The following ADAMTS2 variants were observed in gnomAD, a reference collection of about 807,000 sequenced individuals.
ADAMTS2 encodes the protein ADAM metallopeptidase with thrombospondin type 1 motif 2.
Under a neutral mutation model 123.0 loss-of-function variants are expected in ADAMTS2, and 50 were observed. The observed-to-expected ratio is 0.41, with a 90% CI of 0.32 to 0.51. The LOEUF (loss-of-function observed/expected upper bound fraction) is 0.51, where lower values mean the gene tolerates loss of function less well. ADAMTS2 is among the 20% of genes least tolerant of loss of function. The pLI, the probability that ADAMTS2 is intolerant of heterozygous loss-of-function variation, is 0.35. For synonymous variants in ADAMTS2, 678 were observed against 695.4 expected, an observed-to-expected ratio of 0.98 and a Z score of 0.39; for missense variants, 1,494 against 1,705.2, an observed-to-expected ratio of 0.88 and a Z score of 2.18.
intron 2 of ADAMTS2, among the ~76,000 whole-genome samples, chr5:179,333,501 G>T (rs1581286634): frequency 6.6e-6 from 1 of 152,002 alleles, no homozygotes; most frequent in East Asian, 1.9e-4. Context: ...GCTGTGCAAA[G>T]CTCCTCAAAT....
chr5:179,228,236 G>C lies in ADAMTS2; in HGVS notation c.689-20521C>G, dbSNP rs1765332864. Among the ~76,000 whole-genome samples the C allele has an allele frequency of 6.6e-6, 1 of 152,182 alleles. No individual in the cohort carries two copies. The highest frequency in any genetic ancestry group is 1.5e-5 in the Non-Finnish European group (1 of 68,024). ...ACCGCAGTGGCGCACACAGATCAGT[G>C]TCCTGATCTGAAAAGTAGGCATAAC... On this transcript the variant is annotated intron_variant, in intron 3 of 21. Coordinates refer to ENST00000251582, the MANE Select transcript of ADAMTS2 (RefSeq NM_014244.5). The surrounding 1 kb of genome is among the most constrained non-coding windows in gnomAD (Gnocchi z 5.2).
At chr5:179,238,491 G>A (rs939805616) in intron 3 of ADAMTS2, among the ~76,000 whole-genome samples, 1 of 152,168 alleles carries the variant, frequency 6.6e-6, no homozygotes, top group Non-Finnish European at 1.5e-5. Flanking sequence ...GCCAGGGCAG[G>A]TGGTGCGGGG....
At chr5:179,230,840 AT>A (rs966441279) in intron 3 of ADAMTS2, among the ~76,000 whole-genome samples, 7 of 152,102 alleles carry the variant, frequency 4.6e-5, no homozygotes, top group African/African-American at 1.7e-4. Flanking sequence ...GTGAAACCCC[AT>A]TTCTACTAAA....
rs986391355 is a variant in ADAMTS2 at position 179,111,732 on chromosome 5, C to T, written c.*2135G>A. On this transcript the variant is annotated 3_prime_UTR_variant, in exon 22 of 22. Transcript: ENST00000251582. The stretch of plus-strand genomic sequence containing the variant: ...CTCTCTGCCTAGCGTTAGTCCTGAA[C>T]TTCCTCCACATCCTAGGACAGACCC... 6 of 152,310 alleles carry T rather than the reference C, an allele frequency of 3.9e-5. No homozygotes were observed. Among genetic ancestry groups the T allele is most frequent in the Non-Finnish European group, 7.3e-5 (5 of 68,080 alleles). The allele number at this position is 152,310 out of a possible 1,614,324, so 9.4% of individuals were successfully genotyped here.
chr5:179,111,275 T>C lies in ADAMTS2; in HGVS notation c.*2592A>G, dbSNP rs1223573406. 3 of 152,162 alleles carry C rather than the reference T, an allele frequency of 2.0e-5. No homozygotes were observed. Among genetic ancestry groups the C allele is most frequent in the African/African-American group, 7.2e-5 (3 of 41,432 alleles). The allele number at this position is 152,162 out of a possible 1,614,324, so 9.4% of individuals were successfully genotyped here. A position where few individuals can be genotyped will look rare whatever the true frequency, so the allele number is the denominator to read the frequency against. On this transcript the variant is annotated 3_prime_UTR_variant, in exon 22 of 22. Transcript: ENST00000251582. ...GAAGGTCTGAGTCTCATCATGCGGT[T>C]AGAAACTCAGCTAGAAGACATCTGT...
chr5:179,193,389 G>C (rs1168640320), intron 4 of ADAMTS2, among the ~76,000 whole-genome samples: 1 of 152,218 alleles, frequency 6.6e-6, no homozygotes, highest in Non-Finnish European at 1.5e-5. Flanking sequence ...CGCTGTGCCA[G>C]TGAGGAAGCC....
chr5:179,189,891 G>A lies in ADAMTS2; in HGVS notation c.892-8736C>T, dbSNP rs1276104244. On this transcript the variant is annotated intron_variant, in intron 4 of 21. Transcript: ENST00000251582. This position sits in a 1 kb window ranked among gnomAD's most constrained non-coding sequence, Gnocchi z 4.2. The stretch of plus-strand genomic sequence containing the variant: ...TATCATACAAAGTAGATTCACAAGG[G>A]CGGGTCCGGCGGGGGCGGGTGGCAA... Among the ~76,000 whole-genome samples the A allele has an allele frequency of 2.0e-5, 3 of 151,632 alleles. No individual in the cohort carries two copies. The highest frequency in any genetic ancestry group is 2.0e-4 in the Admixed American group (3 of 15,238).
intron 2 of ADAMTS2, among the ~76,000 whole-genome samples, chr5:179,276,311 G>A (rs566563761): frequency 5.8e-4 from 88 of 152,328 alleles, no homozygotes; most frequent in African/African-American, 1.9e-3. Context: ...GTCCCGGTGC[G>A]TGGTGTGGAG....
rs1764020855 is a variant in ADAMTS2, at chr5:179,180,559, G to A, written c.975+513C>T. Among the ~76,000 whole-genome samples the A allele has an allele frequency of 6.6e-6, 1 of 152,086 alleles. No homozygotes were observed. Among genetic ancestry groups the A allele is most frequent in the South Asian group, 2.1e-4 (1 of 4,822 alleles). On this transcript the variant is annotated intron_variant, in intron 5 of 21. Coordinates refer to ENST00000251582, the MANE Select transcript of ADAMTS2 (RefSeq NM_014244.5). The surrounding 1 kb of genome is among the most constrained non-coding windows in gnomAD (Gnocchi z 4.6). ...TTTCAGATACAAACCAACCAATCCA[G>A]CGCCCATGTCCCCAGCCACCTCCTT...
chr5:179,116,802 G>C (rs1762666436), intron 21 of ADAMTS2, among the ~76,000 whole-genome samples: 3 of 152,156 alleles, frequency 2.0e-5, no homozygotes, highest in South Asian at 2.1e-4. Flanking sequence ...GCTTCTACGT[G>C]GCCAAAATAA....
intron 5 of ADAMTS2, among the ~76,000 whole-genome samples, chr5:179,167,243 G>C (rs944348452): frequency 2.0e-5 from 3 of 152,158 alleles, no homozygotes; most frequent in African/African-American, 7.2e-5. Flanking sequence ...CCCCCGCGCG[G>C]GGCGGGCAGA....
At chr5:179,275,165 A>G (rs1032923913) in intron 2 of ADAMTS2, among the ~76,000 whole-genome samples, 1 of 152,102 alleles carries the variant, frequency 6.6e-6, no homozygotes, top group African/African-American at 2.4e-5. Flanking sequence ...CCAGTTCAGA[A>G]GCATGGTGGC....
chr5:179,155,908 AC>A lies in ADAMTS2; in HGVS notation c.1133-990del, dbSNP rs1442981996. ...AGAGAAGGGAAGGAGGGCCACTGGG[AC>A]CCCGGGTGAGCTGGCGGTGTACGCG... is the stretch of plus-strand genomic sequence containing the variant. On this transcript the variant is annotated intron_variant, in intron 6 of 21. Coordinates refer to ENST00000251582, the MANE Select transcript of ADAMTS2 (RefSeq NM_014244.5). The surrounding 1 kb of genome is among the most constrained non-coding windows in gnomAD (Gnocchi z 5.1). Among the ~76,000 whole-genome samples the A allele has an allele frequency of 6.6e-6, 1 of 151,940 alleles. No individual in the cohort carries two copies. The highest frequency in any genetic ancestry group is 1.5e-5 in the Non-Finnish European group (1 of 67,994).
chr5:179,169,566 T>C (rs913876348), intron 5 of ADAMTS2, among the ~76,000 whole-genome samples: 10 of 152,132 alleles, frequency 6.6e-5, no homozygotes, highest in Non-Finnish European at 1.2e-4. Flanking sequence ...GGGACCCAGA[T>C]GCTCAGGAGG....
intron 2 of ADAMTS2, among the ~76,000 whole-genome samples, chr5:179,299,304 C>G (rs71596417): frequency 1.4e-5 from 1 of 69,316 alleles, no homozygotes; most frequent in Non-Finnish European, 3.1e-5. Context: ...CTGAGGCGGG[C>G]GGATCACGAG....
At chr5:179,151,153 T>A (rs1432947455) in intron 10 of ADAMTS2, 1 of 376,308 alleles carries the variant, frequency 2.7e-6, no homozygotes, top group Non-Finnish European at 5.5e-6. Context: ...TACCTTGGCC[T>A]CCCAAAGTGC....
At chr5:179,220,877 G>A (rs1006220071) in intron 3 of ADAMTS2, among the ~76,000 whole-genome samples, 1 of 152,206 alleles carries the variant, frequency 6.6e-6, no homozygotes, top group Admixed American at 6.5e-5. Flanking sequence ...CCTGGGAAGA[G>A]CTTGCAGCCA....
chr5:179,163,607 G>A (rs578141145), intron 5 of ADAMTS2, among the ~76,000 whole-genome samples: 3 of 152,198 alleles, frequency 2.0e-5, no homozygotes, highest in South Asian at 4.2e-4. Flanking sequence ...CCTTCTCCAC[G>A]TCCTGCAGAC....
chr5:179,215,831 T>G (rs766361236), intron 3 of ADAMTS2, among the ~76,000 whole-genome samples: 6 of 152,132 alleles, frequency 3.9e-5, no homozygotes, highest in Non-Finnish European at 4.4e-5. Flanking sequence ...TCAGAATGAC[T>G]CAGAGTTCTC....
Sources: gnomAD v4.1 joint callset for allele counts (sites outside exome capture counted in the v4.1 genomes callset) on GRCh38, gnomAD v4.1.1 for gene constraint, Gnocchi (gnomAD v3.1) non-coding constraint, MANE v1.5 for transcripts, NCBI Gene and HGNC (gene_info 2026-07-23, HGNC 2026-07-21) for gene names.